Variants in DIAPH3 observed in about 807,000 individuals in gnomAD.
DIAPH3 encodes the protein diaphanous related formin 3.
In DIAPH3, 117 loss-of-function variants were observed where a neutral mutation model predicts 144.3. That is an observed-to-expected ratio of 0.81 (90% CI 0.70 to 0.95). The LOEUF is 0.95. DIAPH3 is among the 40% of genes least tolerant of loss of function. The pLI, the probability that DIAPH3 is intolerant of heterozygous loss-of-function variation, is 0.00. For missense variants in DIAPH3, 1,421 were observed against 1,412.7 expected, an observed-to-expected ratio of 1.01 and a Z score of -0.09; for synonymous variants, 519 against 488.9, an observed-to-expected ratio of 1.06 and a Z score of -0.81.
intron 4 of DIAPH3, among the ~76,000 whole-genome samples, chr13:60,084,599 A>G (rs1396666670): frequency 6.6e-6 from 1 of 152,114 alleles, no homozygotes. Flanking sequence ...CAGTTTCCCA[A>G]GGAAAAAAAA....
intron 27 of DIAPH3, among the ~76,000 whole-genome samples, chr13:59,670,943 G>A (rs2032339808): frequency 6.6e-6 from 1 of 151,930 alleles, no homozygotes; most frequent in Admixed American, 6.6e-5. Context: ...CTATCTACCC[G>A]CCTCAGCGTC....
In DIAPH3 at chr13:59,812,789, G is replaced by A. The variant is rs373976594; in HGVS notation, c.3028-1866C>T. On this transcript the variant is annotated intron_variant, in intron 24 of 27. Transcript: ENST00000400324. ...CTCAGGATCTTCTAGGCCAAGACAG[G>A]GAGGTTAGATTTTCTTTTAAGCGTT... 1.8e-4 allele frequency among the ~76,000 whole-genome samples: 28 copies of A among 152,234 alleles called. 1 individual carries two copies. In the South Asian group the frequency reaches 5.8e-3, roughly 32 times the overall value.
chr13:60,093,349 C>CT (rs2058011958), intron 4 of DIAPH3, among the ~76,000 whole-genome samples: 1 of 152,136 alleles, frequency 6.6e-6, no homozygotes, highest in African/African-American at 2.4e-5. Flanking sequence ...AAATCAATGA[C>CT]TATATTAATT....
chr13:59,715,901 A>T (rs570091392), intron 27 of DIAPH3, among the ~76,000 whole-genome samples: 1 of 152,340 alleles, frequency 6.6e-6, no homozygotes, highest in African/African-American at 2.4e-5. Context: ...ATGCAAGAAG[A>T]TAATGATACT....
chr13:59,838,674 G>C (rs1341419384), intron 23 of DIAPH3: 1 of 152,212 alleles, frequency 6.6e-6, no homozygotes, highest in African/African-American at 2.4e-5. Flanking sequence ...TGAGTTTAGA[G>C]TCAAACTTCC....
chr13:59,984,642 C>T (rs924736556), intron 12 of DIAPH3, among the ~76,000 whole-genome samples: 1 of 148,728 alleles, frequency 6.7e-6, no homozygotes, highest in Non-Finnish European at 1.5e-5. Context: ...AAGGGGATAT[C>T]ACCACTGATC....
intron 17 of DIAPH3, among the ~76,000 whole-genome samples, chr13:59,948,427 C>T (rs1441380377): frequency 6.6e-6 from 1 of 152,078 alleles, no homozygotes; most frequent in African/African-American, 2.4e-5. Flanking sequence ...TGTACGTCTA[C>T]CTAGTTTCCA....
intron 1 of DIAPH3, among the ~76,000 whole-genome samples, chr13:60,133,280 T>C (rs1045234988): frequency 6.6e-6 from 1 of 152,066 alleles, no homozygotes; most frequent in African/African-American, 2.4e-5. Flanking sequence ...ATTAACAGTA[T>C]TAATTACCAT....
At chr13:59,989,930 C>A (rs899576824) in intron 12 of DIAPH3, among the ~76,000 whole-genome samples, 3 of 151,746 alleles carry the variant, frequency 2.0e-5, no homozygotes, top group Non-Finnish European at 4.4e-5. Context: ...TGACCACACA[C>A]AGATCAAAAA....
chr13:59,884,225 G>C (rs1168092421), intron 20 of DIAPH3, among the ~76,000 whole-genome samples: 3 of 152,130 alleles, frequency 2.0e-5, no homozygotes, highest in African/African-American at 7.2e-5. Flanking sequence ...ATGCCTGGAT[G>C]ATCTGTCGCT....
chr13:59,842,416 G>A (rs77312761), intron 22 of DIAPH3, among the ~76,000 whole-genome samples: 15 of 152,190 alleles, frequency 9.9e-5, no homozygotes, highest in African/African-American at 3.6e-4. Context: ...AACATAGATT[G>A]TTTGATTTTT....
At chr13:59,702,850 A>T (rs342596) in intron 27 of DIAPH3, among the ~76,000 whole-genome samples, 1 of 152,044 alleles carries the variant, frequency 6.6e-6, no homozygotes, top group African/African-American at 2.4e-5. Context: ...ACACTTCTGC[A>T]TTGAGTCCCT....
chr13:60,099,752 G>C (rs2058212684), intron 3 of DIAPH3, among the ~76,000 whole-genome samples: 1 of 152,054 alleles, frequency 6.6e-6, no homozygotes, highest in East Asian at 1.9e-4. Context: ...TATCTAAACA[G>C]AATCACTGTG....
At chr13:59,695,934 T>C (rs1454889833) in intron 27 of DIAPH3, 2 of 152,208 alleles carry the variant, frequency 1.3e-5, no homozygotes, top group Admixed American at 1.3e-4. Context: ...CCAAAACCTC[T>C]TAATGTGGTC....
chr13:59,745,287 T>A (rs2036645942), intron 27 of DIAPH3, among the ~76,000 whole-genome samples: 1 of 152,206 alleles, frequency 6.6e-6, no homozygotes, highest in Non-Finnish European at 1.5e-5. Context: ...ACTGAATTGT[T>A]TAACCTAGAG....
intron 4 of DIAPH3, among the ~76,000 whole-genome samples, chr13:60,055,127 A>T (rs1162982262): frequency 6.6e-6 from 1 of 151,964 alleles, no homozygotes; most frequent in African/African-American, 2.4e-5. Flanking sequence ...GCTTAAAATT[A>T]CCAACTATAT....
intron 21 of DIAPH3, 125 bp from the exon 22 acceptor site, chr13:59,861,661 T>G: frequency 9.2e-7 from 1 of 1,083,318 alleles, no homozygotes; most frequent in South Asian, 1.6e-5. Flanking sequence ...GTTGATTTCG[T>G]TTTTGAAAAA....
intron 4 of DIAPH3, among the ~76,000 whole-genome samples, chr13:60,089,568 T>C (rs113295380): frequency 1.3e-5 from 2 of 152,356 alleles, no homozygotes; most frequent in Middle Eastern, 6.8e-3. Context: ...CTTACATTTA[T>C]TGGAAACCAT....
chr13:60,147,268 T>C (rs1432378544), intron 1 of DIAPH3: 1 of 152,212 alleles, frequency 6.6e-6, no homozygotes, highest in Non-Finnish European at 1.5e-5. Flanking sequence ...AAAGGTCATT[T>C]GGAAAATATA....
Sources: gnomAD v4.1 joint callset for allele counts (sites outside exome capture counted in the v4.1 genomes callset) on GRCh38, gnomAD v4.1.1 for gene constraint, MANE v1.5 for transcripts, NCBI Gene and HGNC (gene_info 2026-07-23, HGNC 2026-07-21) for gene names.